RGS5: variants seen among roughly 807,000 people sequenced by gnomAD.
RGS5 encodes regulator of G-protein signalling 5.
Under a neutral mutation model 18.9 loss-of-function variants are expected in RGS5, and 20 were observed. That is an observed-to-expected ratio of 1.06 (90% confidence interval 0.74 to 1.54). RGS5 has a LOEUF of 1.54. Ranked by LOEUF, RGS5 falls within the 40% of genes most tolerant of loss-of-function variation. The pLI is 0.00. For missense variants in RGS5, 201 were observed against 211.8 expected, an observed-to-expected ratio of 0.95 and a Z score of 0.32; for synonymous variants, 57 against 76.2, an observed-to-expected ratio of 0.75 and a Z score of 1.31.
At chr1:163,225,167 G>T (rs550804584) in intron 2 of RGS5, among the ~76,000 whole-genome samples, 2 of 152,104 alleles carry the variant, frequency 1.3e-5, no homozygotes, top group African/African-American at 4.8e-5. Flanking sequence ...TTCCATTGGG[G>T]TGGGTTTTGA....
At chr1:163,273,079 T>C (rs914260298) in intron 2 of RGS5, among the ~76,000 whole-genome samples, 5 of 152,120 alleles carry the variant, frequency 3.3e-5, no homozygotes, top group African/African-American at 1.2e-4. Context: ...TTTAATTTTG[T>C]TGTGGTCAGA....
chr1:163,202,796 C>T lies in RGS5; in HGVS notation c.40G>A (p.Glu14Lys), dbSNP rs762320638. Reference protein sequence around the residue: ...GLAALPHSCLERAKEIKIKLG... With the variant: ...GLAALPHSCLKRAKEIKIKLG... ...CAAAAATAACTTGGTTCTCACCTTTCCAGGCATGAGTGGGGCAAAGCTGCA... is the reference window on the plus strand; with the variant it reads ...CAAAAATAACTTGGTTCTCACCTTTTCAGGCATGAGTGGGGCAAAGCTGCA... Residue 14 changes from glutamate (E) to lysine (K), a missense_variant, in exon 1 of 5, where the codon GAA becomes AAA. Physicochemically the swap from Glu to Lys is moderately conservative, Grantham distance 56 (BLOSUM62 1). Coordinates refer to ENST00000313961, the MANE Select transcript of RGS5 (RefSeq NM_003617.4). 1 of 1,613,504 alleles carries T rather than the reference C, an allele frequency of 6.2e-7. No individual in the cohort carries two copies. The highest frequency in any genetic ancestry group is 8.5e-7 in the Non-Finnish European group (1 of 1,179,624).
chr1:163,263,149 T>C (rs953511885), intron 2 of RGS5, among the ~76,000 whole-genome samples: 11 of 152,202 alleles, frequency 7.2e-5, no homozygotes, highest in African/African-American at 2.7e-4. Context: ...CATTTTTGCA[T>C]CTTACAAAAG....
At position 163,193,218 on chromosome 1, in the gene RGS5, G is replaced by A. The variant is rs1168612675; in HGVS notation, c.44+9574C>T. On this transcript the variant is annotated intron_variant, in intron 1 of 4. Coordinates refer to ENST00000313961, the MANE Select transcript of RGS5 (RefSeq NM_003617.4). ...GATCTGTCCAGATGGGCTAGGTGCT[G>A]TTTTGAGCAGCGCCTGGGGAAACAG... is the stretch of plus-strand genomic sequence containing the variant. 2.6e-5 allele frequency among the ~76,000 whole-genome samples: 4 copies of A among 152,182 alleles called. No individual in the cohort carries two copies. The East Asian group carries it at 7.7e-4, about 29-fold the overall frequency.
At chr1:163,188,336 T>C (rs1326631542) in intron 1 of RGS5, among the ~76,000 whole-genome samples, 1 of 152,140 alleles carries the variant, frequency 6.6e-6, no homozygotes, top group African/African-American at 2.4e-5. Flanking sequence ...CATAAGTTTG[T>C]CTGAGCTTTA....
intron 2 of RGS5, among the ~76,000 whole-genome samples, chr1:163,165,679 G>T (rs1658009765): frequency 6.6e-6 from 1 of 152,186 alleles, no homozygotes; most frequent in African/African-American, 2.4e-5. Flanking sequence ...GCCGAGGTGG[G>T]CAGATCACCT....
rs1557903597 is a variant in RGS5 at position 163,202,852 on chromosome 1, GCTC to G, written c.-20_-18del. 6.2e-7 allele frequency: 1 copy of G among 1,612,894 alleles called. No individual in the cohort carries two copies. On this transcript the variant is annotated 5_prime_UTR_variant, in exon 1 of 5. Transcript: ENST00000313961. ...TTTGCACATTTTGGCAGGTGGCTTA[GCTC>G]CTCCGCTTTAAGTACAACTTCTTAA...
rs182374899 is a variant in RGS5 at position 163,147,975 on chromosome 1, C to T, written c.385-472G>A. Among the ~76,000 whole-genome samples the T allele has an allele frequency of 2.3e-5, 3 of 129,608 alleles. No homozygotes were observed. The East Asian group carries it at 6.8e-4, about 29-fold the overall frequency. The allele number at this position is 129,608 out of a possible 152,430, so 85.0% of individuals were successfully genotyped here. A position where few individuals can be genotyped will look rare whatever the true frequency, so the allele number is the denominator to read the frequency against. On this transcript the variant is annotated intron_variant, in intron 4 of 4. Coordinates refer to ENST00000313961, the MANE Select transcript of RGS5 (RefSeq NM_003617.4). ...AGTCTAGTTCTGTCACTCAGGCAGGCTGGAGTGCAGTGGCGCCATTTGGTT... is the reference window on the plus strand; with the variant it reads ...AGTCTAGTTCTGTCACTCAGGCAGGTTGGAGTGCAGTGGCGCCATTTGGTT...
chr1:163,299,478 A>C (rs10917716), intron 2 of RGS5, among the ~76,000 whole-genome samples: 1 of 151,978 alleles, frequency 6.6e-6, no homozygotes, highest in Admixed American at 6.5e-5. Context: ...CGTAAGCTAA[A>C]TATATTGTGA....
At chr1:163,189,509 C>T (rs1009965420) in intron 1 of RGS5, among the ~76,000 whole-genome samples, 2 of 152,160 alleles carry the variant, frequency 1.3e-5, no homozygotes, top group East Asian at 1.9e-4. Context: ...ATAAAGCAAA[C>T]ATTGATGGGG....
intron 2 of RGS5, among the ~76,000 whole-genome samples, chr1:163,257,232 G>C (rs751179526): frequency 5.3e-5 from 8 of 152,086 alleles, no homozygotes; most frequent in South Asian, 4.1e-4. Flanking sequence ...AAGCAAAAAG[G>C]AGGAATGCTT....
At chr1:163,314,856 C>A (rs1285172838) in intron 1 of RGS5, among the ~76,000 whole-genome samples, 1 of 152,118 alleles carries the variant, frequency 6.6e-6, no homozygotes, top group African/African-American at 2.4e-5. Flanking sequence ...ATGTATGAAC[C>A]AGAAAGCAAG....
At chr1:163,261,604 T>G (rs1571325844) in intron 2 of RGS5, among the ~76,000 whole-genome samples, 1 of 152,176 alleles carries the variant, frequency 6.6e-6, no homozygotes, top group Admixed American at 6.5e-5. Context: ...AGGAATATTT[T>G]TCTAGTGTGC....
chr1:163,190,283 G>T (rs1659288812), intron 1 of RGS5, among the ~76,000 whole-genome samples: 1 of 151,344 alleles, frequency 6.6e-6, no homozygotes, highest in Non-Finnish European at 1.5e-5. Context: ...GAGGATTTTG[G>T]ACTAGAGAAT....
intron 1 of RGS5, among the ~76,000 whole-genome samples, chr1:163,188,813 C>T (rs976170612): frequency 2.7e-5 from 4 of 146,262 alleles, no homozygotes; most frequent in Admixed American, 1.3e-4. Flanking sequence ...CAAAAATTAG[C>T]GTGGTGACAC....
chr1:163,226,314 C>T (rs1456552153), intron 2 of RGS5, among the ~76,000 whole-genome samples: 1 of 152,138 alleles, frequency 6.6e-6, no homozygotes, highest in Non-Finnish European at 1.5e-5. Context: ...CATTTAAATG[C>T]TTAAAAGTAA....
chr1:163,164,479 T>C (rs931177515), intron 2 of RGS5, among the ~76,000 whole-genome samples: 7 of 152,332 alleles, frequency 4.6e-5, no homozygotes, highest in South Asian at 4.2e-4. Context: ...TCTCTCTTTT[T>C]ACTCTACTCT....
chr1:163,186,578 C>A (rs1461222915), intron 1 of RGS5, among the ~76,000 whole-genome samples: 302 of 95,886 alleles, frequency 3.1e-3, no homozygotes, highest in Middle Eastern at 6.0e-3. Context: ...GACTCTGTCT[C>A]AAAAAAAAAA....
At chr1:163,208,241 C>G (rs1238292180) in intron 1 of RGS5, among the ~76,000 whole-genome samples, 53 of 125,680 alleles carry the variant, frequency 4.2e-4, no homozygotes, top group Admixed American at 2.6e-3. Context: ...CCAGCTACTC[C>G]GGAGGCTGAG....
Sources: gnomAD v4.1 joint callset for allele counts (sites outside exome capture counted in the v4.1 genomes callset) on GRCh38, gnomAD v4.1.1 for gene constraint, MANE v1.5 for transcripts, NCBI Gene and HGNC (gene_info 2026-07-23, HGNC 2026-07-21) for gene names.